The following TSPAN18 variants were observed in gnomAD, a reference collection of about 807,000 sequenced individuals.
The protein encoded by TSPAN18 is tetraspanin-18.
A neutral mutation model predicts 27.3 loss-of-function variants in TSPAN18; 14 were observed. The ratio of observed to expected loss-of-function variants is 0.51; its 90% CI spans 0.34 to 0.80. The LOEUF (loss-of-function observed/expected upper bound fraction) is 0.80. Among genes scored for constraint, TSPAN18 ranks in the 30% least tolerant of loss-of-function variants. The probability of loss-of-function intolerance (pLI) is 0.01; values close to 1 mark genes in which losing one functional copy is unlikely to be tolerated. For missense variants in TSPAN18, 268 were observed against 323.9 expected, an observed-to-expected ratio of 0.83 and a Z score of 1.32; for synonymous variants, 143 against 136.5, an observed-to-expected ratio of 1.05 and a Z score of -0.33.
chr11:44,767,823 C>T (rs1024848663), intron 2 of TSPAN18, among the ~76,000 whole-genome samples: 4 of 152,156 alleles, frequency 2.6e-5, no homozygotes, highest in East Asian at 1.9e-4. Flanking sequence ...TGTATGGGGA[C>T]ATCCACTTGT....
At chr11:44,917,382 CTG>C (rs1473094651) in intron 5 of TSPAN18, among the ~76,000 whole-genome samples, 2 of 152,360 alleles carry the variant, frequency 1.3e-5, no homozygotes, top group African/African-American at 4.8e-5. Flanking sequence ...GAGCAGAAGA[CTG>C]TGTTAGATAC....
chr11:44,901,367 T>C (rs1859257418), intron 3 of TSPAN18: 3 of 152,250 alleles, frequency 2.0e-5, no homozygotes, highest in Admixed American at 2.0e-4. Flanking sequence ...GTTTATGAGC[T>C]GCCATATTTA....
At chr11:44,834,100 C>T (rs555784921) in intron 2 of TSPAN18, among the ~76,000 whole-genome samples, 34 of 151,934 alleles carry the variant, frequency 2.2e-4, no homozygotes, top group Admixed American at 1.9e-3. Context: ...GCAGGAACCA[C>T]GAGATTGCTG....
chr11:44,895,207 C>G (rs911047518), intron 3 of TSPAN18, among the ~76,000 whole-genome samples: 2 of 152,208 alleles, frequency 1.3e-5, no homozygotes, highest in African/African-American at 4.8e-5. Flanking sequence ...TGTATCCACG[C>G]TACCCAAGCC....
intron 3 of TSPAN18, among the ~76,000 whole-genome samples, chr11:44,871,267 T>G (rs1858186018): frequency 6.6e-6 from 1 of 152,132 alleles, no homozygotes; most frequent in African/African-American, 2.4e-5. Context: ...AGTGCTAGCA[T>G]GGTAGGGTTC....
chr11:44,917,964 C>T lies in TSPAN18; in HGVS notation c.259-8C>T. On this transcript the variant is annotated splice_polypyrimidine_tract_variant and splice_region_variant and intron_variant, in intron 5 of 9. Coordinates refer to ENST00000520358, the MANE Select transcript of TSPAN18 (RefSeq NM_130783.5). The stretch of plus-strand genomic sequence containing the variant: ...TCTGGGCTCACAAGGCTGTTCCTCT[C>T]CCTGCAGTTCTTCCTGTTCATCCTG... 3 of 1,614,074 alleles carry T rather than the reference C, an allele frequency of 1.9e-6. No individual in the cohort carries two copies. Among genetic ancestry groups the T allele is most frequent in the Non-Finnish European group, 2.5e-6 (3 of 1,179,992 alleles).
intron 3 of TSPAN18, among the ~76,000 whole-genome samples, chr11:44,868,619 C>T (rs1858103499): frequency 6.6e-6 from 1 of 152,206 alleles, no homozygotes; most frequent in Non-Finnish European, 1.5e-5. Context: ...GGACTCGCCT[C>T]TCCCAGGATC....
At chr11:44,728,529 C>T (rs1314243331) in intron 1 of TSPAN18, among the ~76,000 whole-genome samples, 2 of 151,988 alleles carry the variant, frequency 1.3e-5, no homozygotes, top group African/African-American at 4.8e-5. Context: ...AGGCACAGGG[C>T]GGGCGGTGGG....
chr11:44,803,619 A>G (rs1256766225), intron 2 of TSPAN18, among the ~76,000 whole-genome samples: 1 of 152,140 alleles, frequency 6.6e-6, no homozygotes, highest in Non-Finnish European at 1.5e-5. Flanking sequence ...CAAGGAGTAG[A>G]AGCTGCCGCC....
chr11:44,895,513 C>CAGG (rs1359550587), intron 3 of TSPAN18, among the ~76,000 whole-genome samples: 1 of 152,214 alleles, frequency 6.6e-6, no homozygotes, highest in Non-Finnish European at 1.5e-5. Flanking sequence ...TGTCACTGGG[C>CAGG]TGTCCTCTTC....
chr11:44,747,935 C>T (rs11038127), intron 1 of TSPAN18, among the ~76,000 whole-genome samples: 20,501 of 152,228 alleles, frequency 0.13, 2,696 homozygotes, highest in East Asian at 0.7. Context: ...TGTCTCTCAT[C>T]CCCCCAGTTC....
At chr11:44,891,211 G>T in intron 3 of TSPAN18, among the ~76,000 whole-genome samples, 1 of 152,204 alleles carries the variant, frequency 6.6e-6, no homozygotes, top group East Asian at 1.9e-4. Context: ...AATATAAATG[G>T]TTTCCTTTTT....
intron 1 of TSPAN18, among the ~76,000 whole-genome samples, chr11:44,729,833 C>T (rs1854608824): frequency 6.6e-6 from 1 of 152,032 alleles, no homozygotes; most frequent in Non-Finnish European, 1.5e-5. Context: ...TGGGTAGGGA[C>T]ACAGGATTAA....
At chr11:44,861,476 C>T (rs928472874) in intron 3 of TSPAN18, among the ~76,000 whole-genome samples, 243 of 1,580 alleles carry the variant, frequency 0.15, 1 homozygote, top group African/African-American at 0.34. Flanking sequence ...CGGTGCTGGG[C>T]GGGGGGTCGG....
chr11:44,761,908 C>T (rs1212002329), intron 1 of TSPAN18, among the ~76,000 whole-genome samples: 3 of 152,342 alleles, frequency 2.0e-5, no homozygotes, highest in South Asian at 2.1e-4. Context: ...AAGTCCCACA[C>T]GCCTCCCTTT....
At chr11:44,740,647 C>G (rs1003039969) in intron 1 of TSPAN18, among the ~76,000 whole-genome samples, 1 of 152,224 alleles carries the variant, frequency 6.6e-6, no homozygotes, top group Admixed American at 6.5e-5. Flanking sequence ...GAGCTGCCCC[C>G]ACAACCCCAT....
chr11:44,767,660 T>C (rs1192736907), intron 2 of TSPAN18, among the ~76,000 whole-genome samples: 2 of 152,246 alleles, frequency 1.3e-5, no homozygotes, highest in African/African-American at 4.8e-5. Context: ...AAGCTTTTGG[T>C]ATTCTAAGAA....
intron 8 of TSPAN18, among the ~76,000 whole-genome samples, chr11:44,921,734 C>T (rs1274602087): frequency 6.6e-6 from 1 of 152,230 alleles, no homozygotes; most frequent in South Asian, 2.1e-4. Flanking sequence ...GGTGAAGGAG[C>T]TGTTGTTTGA....
chr11:44,774,607 G>C (rs2134927319), intron 2 of TSPAN18, among the ~76,000 whole-genome samples: 1 of 152,320 alleles, frequency 6.6e-6, no homozygotes, highest in Admixed American at 6.5e-5. Context: ...CTTGGCTTTT[G>C]CATGGACAGA....
Sources: allele counts gnomAD v4.1 joint callset (sites outside exome capture counted in the v4.1 genomes callset), GRCh38; gene constraint gnomAD v4.1.1; transcripts MANE v1.5; gene names NCBI Gene and HGNC (gene_info 2026-07-23, HGNC 2026-07-21).